TMEM114: variants seen among roughly 807,000 people sequenced by gnomAD.
TMEM114 encodes the protein transmembrane protein 114.
A neutral mutation model predicts 6.2 loss-of-function variants in TMEM114; 6 were observed. The observed-to-expected ratio is 0.97, with a 90% CI of 0.53 to 1.91. The LOEUF (loss-of-function observed/expected upper bound fraction) is 1.91, where lower values mean the gene tolerates loss of function less well. Ranked by LOEUF, TMEM114 falls within the 40% of genes most tolerant of loss-of-function variation. TMEM114 has a pLI of 0.01. For missense variants in TMEM114, 218 were observed against 158.3 expected (o/e 1.38, Z -2.02); for synonymous variants, 104 against 73.0 (o/e 1.42, Z -2.16).
At position 8,590,462 on chromosome 16, in the gene TMEM114, G is replaced by T. The variant is rs1287312947; in HGVS notation, c.-624C>A. 6.6e-6 allele frequency among the ~76,000 whole-genome samples: 1 copy of T among 152,186 alleles called. No individual in the cohort carries two copies. The highest frequency in any genetic ancestry group is 1.5e-5 in the Non-Finnish European group (1 of 68,044). ...TCCCGCAGCTCCTGCTCTGGCCGGG[G>T]CGCAGCTGACCCTCTGAGCCCTCCT... On this transcript the variant is annotated 5_prime_UTR_variant, in exon 1 of 4. Coordinates refer to ENST00000620492, the MANE Select transcript of TMEM114 (RefSeq NM_001146336.2).
chr16:8,537,529 A>G (rs1404174748), downstream of TMEM114: 1 of 152,078 alleles, frequency 6.6e-6, no homozygotes, highest in Non-Finnish European at 1.5e-5. Flanking sequence ...AAAAAAACAA[A>G]TATATATTTA....
intron 2 of TMEM114, among the ~76,000 whole-genome samples, chr16:8,556,265 C>T (rs75569084): frequency 0.014 from 2,096 of 152,282 alleles, 45 homozygotes; most frequent in African/African-American, 0.048. Context: ...TACCAGCCCC[C>T]GCTGCTCCAG....
intron 2 of TMEM114, among the ~76,000 whole-genome samples, chr16:8,574,131 C>T (rs888039838): frequency 2.0e-5 from 3 of 152,070 alleles, no homozygotes; most frequent in Non-Finnish European, 4.4e-5. Flanking sequence ...AGAATATAGA[C>T]GTCAGAGCCG....
At chr16:8,578,650 T>C (rs565122167) in intron 2 of TMEM114, among the ~76,000 whole-genome samples, 4 of 152,288 alleles carry the variant, frequency 2.6e-5, no homozygotes, top group East Asian at 3.9e-4. Flanking sequence ...ACTCAATAGA[T>C]GATACCTGTG....
chr16:8,561,456 A>G (rs551421152), intron 2 of TMEM114, among the ~76,000 whole-genome samples: 1 of 152,298 alleles, frequency 6.6e-6, no homozygotes, highest in African/African-American at 2.4e-5. Flanking sequence ...GTGCACTCAT[A>G]CACACACATG....
intron 3 of TMEM114, among the ~76,000 whole-genome samples, chr16:8,571,249 C>G (rs1319673074): frequency 6.6e-6 from 1 of 152,120 alleles, no homozygotes; most frequent in East Asian, 1.9e-4. Flanking sequence ...TTAACCTAGC[C>G]ATTGTCTGTC....
chr16:8,585,626 C>T (rs1031242894), intron 2 of TMEM114, among the ~76,000 whole-genome samples: 3 of 146,156 alleles, frequency 2.1e-5, no homozygotes, highest in African/African-American at 5.0e-5. Flanking sequence ...AGACATTATG[C>T]GGAGAAAAAA....
chr16:8,559,459 G>A (rs1328592987), intron 2 of TMEM114, among the ~76,000 whole-genome samples: 3 of 152,154 alleles, frequency 2.0e-5, no homozygotes, highest in East Asian at 3.9e-4. Flanking sequence ...TCCTCGGCCC[G>A]CCATGGGCTC....
intron 2 of TMEM114, among the ~76,000 whole-genome samples, chr16:8,547,698 T>G (rs1220620036): frequency 6.6e-6 from 1 of 152,008 alleles, no homozygotes; most frequent in East Asian, 1.9e-4. Flanking sequence ...GCCAGCACGC[T>G]CTCTTTACTG....
At chr16:8,548,485 A>G (rs1312881017) in intron 2 of TMEM114, among the ~76,000 whole-genome samples, 1 of 151,918 alleles carries the variant, frequency 6.6e-6, no homozygotes, top group African/African-American at 2.4e-5. Flanking sequence ...TTTTTTTCCT[A>G]ATCGTCACCC....
chr16:8,574,683 C>T (rs912846490), intron 2 of TMEM114, among the ~76,000 whole-genome samples: 3 of 151,970 alleles, frequency 2.0e-5, no homozygotes, highest in African/African-American at 7.3e-5. Flanking sequence ...CATCCCCCCA[C>T]ACACCATCAT....
At chr16:8,571,509 A>G (rs1185402925) in intron 3 of TMEM114, among the ~76,000 whole-genome samples, 1 of 152,168 alleles carries the variant, frequency 6.6e-6, no homozygotes, top group Non-Finnish European at 1.5e-5. Flanking sequence ...TGCTGTCACC[A>G]TGACGCCCAA....
downstream of TMEM114, among the ~76,000 whole-genome samples, chr16:8,568,706 C>T (rs1308404821): frequency 6.6e-6 from 1 of 152,230 alleles, no homozygotes; most frequent in Non-Finnish European, 1.5e-5. Context: ...CTCGGGCCCT[C>T]CCCTACATCT....
chr16:8,547,212 C>A (rs879696460), intron 2 of TMEM114, among the ~76,000 whole-genome samples: 1 of 152,010 alleles, frequency 6.6e-6, no homozygotes, highest in African/African-American at 2.4e-5. Context: ...TTAAAGACAC[C>A]ATCCCAGCAG....
chr16:8,580,605 T>C (rs1902108025), intron 2 of TMEM114, among the ~76,000 whole-genome samples: 1 of 152,138 alleles, frequency 6.6e-6, no homozygotes, highest in South Asian at 2.1e-4. Flanking sequence ...TCAGTGTGCA[T>C]CTTCCCAGTT....
chr16:8,566,743 T>C (rs921238179), downstream of TMEM114, among the ~76,000 whole-genome samples: 2 of 152,162 alleles, frequency 1.3e-5, no homozygotes, highest in East Asian at 3.9e-4. Context: ...CCTCAGGGCC[T>C]TTGCGTCTGC....
intron 2 of TMEM114, among the ~76,000 whole-genome samples, chr16:8,586,035 T>C (rs562129667): frequency 6.6e-6 from 1 of 152,316 alleles, no homozygotes; most frequent in East Asian, 1.9e-4. Context: ...ACTGTCAAGA[T>C]TGAAGAGGAA....
intron 2 of TMEM114, among the ~76,000 whole-genome samples, chr16:8,543,296 G>A (rs191793174): frequency 2.0e-4 from 31 of 152,052 alleles, no homozygotes; most frequent in East Asian, 1.5e-3. Flanking sequence ...TTATTTTATC[G>A]TTCCCCCTTG....
chr16:8,565,260 A>T (rs1901502386), downstream of TMEM114, among the ~76,000 whole-genome samples: 1 of 152,210 alleles, frequency 6.6e-6, no homozygotes, highest in South Asian at 2.1e-4. Flanking sequence ...TAAGCAAGTG[A>T]ACTTATGAAT....
Sources: allele counts gnomAD v4.1 joint callset (sites outside exome capture counted in the v4.1 genomes callset), GRCh38; gene constraint gnomAD v4.1.1; transcripts MANE v1.5; gene names NCBI Gene and HGNC (gene_info 2026-07-23, HGNC 2026-07-21).